INPP4B: variants seen among roughly 807,000 people sequenced by gnomAD.
INPP4B encodes the protein inositol polyphosphate-4-phosphatase type II B, also known as inositol polyphosphate 4-phosphatase type II.
In INPP4B, 55 loss-of-function variants were observed where a neutral mutation model predicts 122.5. The observed-to-expected ratio is 0.45, with a 90% CI of 0.36 to 0.56. The LOEUF (loss-of-function observed/expected upper bound fraction) is 0.56, where lower values mean the gene tolerates loss of function less well. INPP4B is among the 20% of genes least tolerant of loss of function. INPP4B has a pLI of 0.00. For missense variants in INPP4B, 1,000 were observed against 1,097.7 expected (o/e 0.91, Z 1.26); for synonymous variants, 403 against 388.7 (o/e 1.04, Z -0.43).
chr4:142,558,581 AATT>A (rs1461679609), intron 2 of INPP4B, among the ~76,000 whole-genome samples: 3 of 152,008 alleles, frequency 2.0e-5, no homozygotes, highest in Non-Finnish European at 2.9e-5. Context: ...ACTGTTAACA[AATT>A]CATCTGGAAA....
chr4:142,682,666 T>C (rs922808693), intron 2 of INPP4B, among the ~76,000 whole-genome samples: 19 of 152,036 alleles, frequency 1.2e-4, no homozygotes, highest in African/African-American at 3.4e-4. Context: ...GAAAATATTC[T>C]CTCAGAGTAT....
At chr4:142,799,576 A>C (rs1021462235) in intron 1 of INPP4B, among the ~76,000 whole-genome samples, 1 of 152,018 alleles carries the variant, frequency 6.6e-6, no homozygotes, top group Non-Finnish European at 1.5e-5. Flanking sequence ...ATTATAAAAT[A>C]GTACATAAAA....
chr4:142,740,669 C>T (rs913014425), intron 1 of INPP4B, among the ~76,000 whole-genome samples: 26 of 151,674 alleles, frequency 1.7e-4, no homozygotes, highest in Non-Finnish European at 7.4e-5. Flanking sequence ...CACTCAAAAG[C>T]CCAAAAGGGT....
chr4:142,421,478 G>A (rs1203178524), intron 5 of INPP4B, among the ~76,000 whole-genome samples: 2 of 151,948 alleles, frequency 1.3e-5, no homozygotes, highest in Non-Finnish European at 2.9e-5. Context: ...CATATAATTT[G>A]GTGGCAATAA....
chr4:142,034,536 C>T (rs1742609484), intron 25 of INPP4B, among the ~76,000 whole-genome samples: 1 of 152,002 alleles, frequency 6.6e-6, no homozygotes, highest in Non-Finnish European at 1.5e-5. Flanking sequence ...AAACAATGCC[C>T]AACTCCCTTC....
intron 15 of INPP4B, among the ~76,000 whole-genome samples, chr4:142,177,448 A>G (rs923144205): frequency 1.3e-5 from 2 of 152,168 alleles, no homozygotes; most frequent in Non-Finnish European, 2.9e-5. Flanking sequence ...TAGTAGTATG[A>G]AATTTAAACT....
At chr4:142,271,265 C>A (rs1193147621) in intron 9 of INPP4B, among the ~76,000 whole-genome samples, 1 of 152,126 alleles carries the variant, frequency 6.6e-6, no homozygotes, top group East Asian at 1.9e-4. Context: ...TTAAAATTAT[C>A]CATGAATGTG....
At chr4:142,046,809 C>T (rs1014053034) in intron 25 of INPP4B, among the ~76,000 whole-genome samples, 1 of 151,954 alleles carries the variant, frequency 6.6e-6, no homozygotes, top group Non-Finnish European at 1.5e-5. Context: ...GTGACTACTG[C>T]AGTGGTCCCA....
At chr4:142,525,142 C>A (rs1231976950) in intron 2 of INPP4B, among the ~76,000 whole-genome samples, 1 of 150,888 alleles carries the variant, frequency 6.6e-6, no homozygotes, top group Non-Finnish European at 1.5e-5. Flanking sequence ...TTCACAATTG[C>A]TTCAAAGAGA....
intron 7 of INPP4B, among the ~76,000 whole-genome samples, chr4:142,394,844 C>A (rs1367102581): frequency 1.3e-5 from 2 of 152,022 alleles, no homozygotes; most frequent in African/African-American, 4.8e-5. Context: ...GTTTTTGTTG[C>A]CTATTTTTTT....
intron 2 of INPP4B, among the ~76,000 whole-genome samples, chr4:142,490,714 C>T (rs2149781171): frequency 6.6e-6 from 1 of 152,184 alleles, no homozygotes; most frequent in South Asian, 2.1e-4. Flanking sequence ...GCCTCTACTC[C>T]AGCCTACCAC....
chr4:142,302,119 GTTCTGGGATAA>G (rs1323688981), intron 9 of INPP4B, among the ~76,000 whole-genome samples: 1 of 152,106 alleles, frequency 6.6e-6, no homozygotes, highest in Non-Finnish European at 1.5e-5. Flanking sequence ...TAGAGTCAGG[GTTCTGGGATAA>G]GAACACGTTC....
intron 2 of INPP4B, among the ~76,000 whole-genome samples, chr4:142,465,195 G>C (rs1335562170): frequency 6.6e-6 from 1 of 152,146 alleles, no homozygotes; most frequent in Non-Finnish European, 1.5e-5. Context: ...AAAAGTTTAT[G>C]ATGCAGAAAG....
At chr4:142,779,406 T>G (rs1015767606) in intron 1 of INPP4B, among the ~76,000 whole-genome samples, 1 of 152,102 alleles carries the variant, frequency 6.6e-6, no homozygotes, top group Non-Finnish European at 1.5e-5. Context: ...TTACATGAAT[T>G]CATAACATTT....
chr4:142,536,270 GCTGA>G (rs1053214582), intron 2 of INPP4B, among the ~76,000 whole-genome samples: 3 of 152,082 alleles, frequency 2.0e-5, no homozygotes, highest in African/African-American at 7.2e-5. Context: ...TATAAACAAT[GCTGA>G]CTGATTTGCT....
At chr4:142,759,795 C>A (rs331946) in intron 1 of INPP4B, among the ~76,000 whole-genome samples, 32,349 of 127,646 alleles carry the variant, frequency 0.25, 4,034 homozygotes, top group South Asian at 0.37. Context: ...TCAACCAGAA[C>A]TTACCCCAGA....
At chr4:142,138,674 C>T (rs550806688) in intron 18 of INPP4B, among the ~76,000 whole-genome samples, 1 of 152,246 alleles carries the variant, frequency 6.6e-6, no homozygotes, top group East Asian at 1.9e-4. Flanking sequence ...AATTACTTAA[C>T]CCCTTCATCT....
intron 7 of INPP4B, among the ~76,000 whole-genome samples, chr4:142,387,492 A>G (rs201668377): frequency 3.3e-5 from 5 of 150,444 alleles, no homozygotes; most frequent in Non-Finnish European, 4.4e-5. Flanking sequence ...AAAAAAAAAA[A>G]AAGAAAGAAA....
At chr4:142,344,877 T>C (rs1779819408) in intron 7 of INPP4B, among the ~76,000 whole-genome samples, 1 of 151,982 alleles carries the variant, frequency 6.6e-6, no homozygotes. Flanking sequence ...AGAATTAATA[T>C]ATATCAGGTA....
Sources: gnomAD v4.1 joint callset for allele counts (sites outside exome capture counted in the v4.1 genomes callset) on GRCh38, gnomAD v4.1.1 for gene constraint, MANE v1.5 for transcripts, NCBI Gene and HGNC (gene_info 2026-07-23, HGNC 2026-07-21) for gene names.